STK17A: variants seen among roughly 807,000 people sequenced by gnomAD.
STK17A encodes the protein serine/threonine-protein kinase 17A.
STK17A carries 26 observed loss-of-function variants against 43.7 expected under a neutral mutation model. The observed-to-expected ratio is 0.60, with a 90% CI of 0.44 to 0.83. STK17A has a LOEUF of 0.83. Among genes scored for constraint, STK17A ranks in the 40% least tolerant of loss-of-function variants. The probability of loss-of-function intolerance (pLI) is 0.00; values close to 1 mark genes in which losing one functional copy is unlikely to be tolerated. For missense variants in STK17A, 476 were observed against 511.6 expected, an observed-to-expected ratio of 0.93 and a Z score of 0.67; for synonymous variants, 191 against 182.5, an observed-to-expected ratio of 1.05 and a Z score of -0.38.
At chr7:43,606,674 T>A (rs9655444) in intron 2 of STK17A, among the ~76,000 whole-genome samples, 40,266 of 151,898 alleles carry the variant, frequency 0.27, 6,061 homozygotes, top group Non-Finnish European at 0.33. Context: ...TTTGTGTAAA[T>A]TAGTTAATAT....
intron 1 of STK17A, among the ~76,000 whole-genome samples, chr7:43,589,273 C>CT: frequency 6.6e-6 from 1 of 151,426 alleles, no homozygotes. Flanking sequence ...AGTGAGGTCC[C>CT]TGAAACTCAC....
At position 43,595,996 on chromosome 7, in the gene STK17A, G is replaced by A. The variant is rs143280410; in HGVS notation, c.302G>A (p.Cys101Tyr). The change falls in exon 2 of 7, where the codon TGT becomes TAT. Residue 101 changes from cysteine to tyrosine, a missense_variant. Coordinates refer to ENST00000319357, the MANE Select transcript of STK17A (RefSeq NM_004760.3). The part of the protein sequence containing the change: ...FMRKRRKGQD[C>Y]RMEIIHEIAV... ...AGAAAAAGAAGAAAAGGCCAAGATTGTCGGATGGAAATAATTCATGAGATT... is the reference window on the plus strand; with the variant it reads ...AGAAAAAGAAGAAAAGGCCAAGATTATCGGATGGAAATAATTCATGAGATT... 2.5e-5 allele frequency: 41 copies of A among 1,613,840 alleles called. No homozygotes were observed. The highest frequency in any genetic ancestry group is 3.3e-5 in the Non-Finnish European group (39 of 1,179,948).
chr7:43,604,537 C>A (rs1292638096), intron 2 of STK17A, among the ~76,000 whole-genome samples: 1 of 152,136 alleles, frequency 6.6e-6, no homozygotes, highest in African/African-American at 2.4e-5. Context: ...TTGTCATCTT[C>A]CCTGCATTAT....
intron 2 of STK17A, 107 bp from the exon 3 acceptor site, chr7:43,608,149 A>T: frequency 9.3e-7 from 1 of 1,071,744 alleles, no homozygotes. Context: ...TTTTTAAAAA[A>T]GGTATACAGT....
chr7:43,605,423 G>A (rs1179993835), intron 2 of STK17A, among the ~76,000 whole-genome samples: 1 of 152,078 alleles, frequency 6.6e-6, no homozygotes, highest in African/African-American at 2.4e-5. Context: ...TGTTTAGAGT[G>A]GCTTTTCTAC....
At chr7:43,600,268 TACAA>T (rs1054881642) in intron 2 of STK17A, among the ~76,000 whole-genome samples, 2 of 152,230 alleles carry the variant, frequency 1.3e-5, no homozygotes, top group Non-Finnish European at 2.9e-5. Flanking sequence ...CTAGCCTGCA[TACAA>T]CTGAAAACAC....
intron 1 of STK17A, among the ~76,000 whole-genome samples, chr7:43,587,147 G>GTTTTTTTTT (rs202031785): frequency 5.3e-4 from 60 of 113,434 alleles, no homozygotes; most frequent in South Asian, 1.1e-3. Flanking sequence ...TGTTTTTATT[G>GTTTTTTTTT]TTTTTTGTTT....
At chr7:43,601,828 G>C (rs1414157549) in intron 2 of STK17A, among the ~76,000 whole-genome samples, 1 of 152,096 alleles carries the variant, frequency 6.6e-6, no homozygotes. Context: ...CTTAGTACAA[G>C]TGTAAGAGTT....
intron 4 of STK17A, chr7:43,622,362 TG>T (rs1375794330): frequency 6.6e-6 from 1 of 152,210 alleles, no homozygotes; most frequent in Non-Finnish European, 1.5e-5. Flanking sequence ...ATTTATTCTA[TG>T]GGGGTTTGTC....
chr7:43,595,099 A>T (rs531041032), intron 1 of STK17A, among the ~76,000 whole-genome samples: 13 of 152,048 alleles, frequency 8.5e-5, no homozygotes, highest in Admixed American at 7.2e-4. Context: ...ACTTTGTTGT[A>T]TCTGTCTTTA....
chr7:43,614,324 T>G (rs2083153131), intron 3 of STK17A, among the ~76,000 whole-genome samples: 1 of 152,232 alleles, frequency 6.6e-6, no homozygotes, highest in Non-Finnish European at 1.5e-5. Flanking sequence ...TTGATTGACC[T>G]TGCTTCTTTC....
chr7:43,584,602 C>T lies in STK17A; in HGVS notation c.206+1153C>T, dbSNP rs571941494. On this transcript the variant is annotated intron_variant, in intron 1 of 6. Transcript: ENST00000319357. Reference sequence around the variant, plus strand: ...GGTCTTGGAAAGGCAAACAATGTAACATTGGTTATAATGTTAAAAACACAC... The same window carrying T: ...GGTCTTGGAAAGGCAAACAATGTAATATTGGTTATAATGTTAAAAACACAC... Among the ~76,000 whole-genome samples, 26 of 151,768 alleles carry T rather than the reference C, an allele frequency of 1.7e-4. 1 individual carries two copies. In the Middle Eastern group the frequency reaches 0.017, roughly 99 times the overall value.
Position 43,627,022 on chromosome 7 carries a change from C to G in STK17A, c.*2180C>G, listed in dbSNP as rs2084626313. On this transcript the variant is annotated 3_prime_UTR_variant, in exon 7 of 7. Coordinates refer to ENST00000319357, the MANE Select transcript of STK17A (RefSeq NM_004760.3). Reference sequence around the variant, plus strand: ...ATCTATTAATAACTGCCAGCTAGCTCTACACTTATCTAAAGCTGTTAATGT... The same window carrying G: ...ATCTATTAATAACTGCCAGCTAGCTGTACACTTATCTAAAGCTGTTAATGT... Among the ~76,000 whole-genome samples the G allele has an allele frequency of 6.6e-6, 1 of 152,182 alleles. No homozygotes were observed. The highest frequency in any genetic ancestry group is 1.5e-5 in the Non-Finnish European group (1 of 68,030).
intron 1 of STK17A, among the ~76,000 whole-genome samples, chr7:43,593,826 G>A (rs536467196): frequency 6.6e-5 from 10 of 151,600 alleles, no homozygotes; most frequent in African/African-American, 2.4e-4. Context: ...GTCTGTTTAT[G>A]CTGTTGATTA....
rs143487738 is a variant in STK17A, at chr7:43,586,178, A to ATT, written c.206+2738_206+2739dup. 4.3e-4 allele frequency among the ~76,000 whole-genome samples: 64 copies of ATT among 150,186 alleles called. 3 individuals are homozygous for ATT. The highest frequency in any genetic ancestry group is 1.5e-3 in the African/African-American group (61 of 41,146). On this transcript the variant is annotated intron_variant, in intron 1 of 6. Coordinates refer to ENST00000319357, the MANE Select transcript of STK17A (RefSeq NM_004760.3). ...TTTAATGATGTGGGAAGAAAAACAG[A>ATT]TTTTTTTTTTCATTTTATTCTATGG...
At chr7:43,619,471 C>A in intron 3 of STK17A, 126 bp from the exon 4 acceptor site, 3 of 1,221,726 alleles carry the variant, frequency 2.5e-6, no homozygotes, top group Non-Finnish European at 3.4e-6. Context: ...ATTTCTTTAA[C>A]AAATGACTGT....
chr7:43,585,906 G>A (rs1017835527), intron 1 of STK17A, among the ~76,000 whole-genome samples: 1 of 151,614 alleles, frequency 6.6e-6, no homozygotes. Context: ...TCTGGCAAAA[G>A]TAATGAAGTC....
At chr7:43,606,218 C>T (rs1410789055) in intron 2 of STK17A, among the ~76,000 whole-genome samples, 1 of 152,046 alleles carries the variant, frequency 6.6e-6, no homozygotes, top group East Asian at 1.9e-4. Context: ...AGCATAGGGC[C>T]TAACATATTT....
intron 1 of STK17A, among the ~76,000 whole-genome samples, chr7:43,593,638 T>C (rs2082494112): frequency 6.6e-6 from 1 of 152,144 alleles, no homozygotes; most frequent in Admixed American, 6.5e-5. Context: ...TGATTAGTGA[T>C]GTTGAACATT....
Sources: allele counts gnomAD v4.1 joint callset (sites outside exome capture counted in the v4.1 genomes callset), GRCh38; gene constraint gnomAD v4.1.1; transcripts MANE v1.5; gene names NCBI Gene and HGNC (gene_info 2026-07-23, HGNC 2026-07-21).